Variants in USP24 observed in about 807,000 individuals in gnomAD.
The protein encoded by USP24 is ubiquitin specific peptidase 24.
A neutral mutation model predicts 361.6 loss-of-function variants in USP24; 97 were observed. That is an observed-to-expected ratio of 0.27 (90% CI 0.23 to 0.32). The LOEUF is 0.32. Ranked by LOEUF, USP24 falls within the 10% of genes least tolerant of loss-of-function variation. The pLI, the probability that USP24 is intolerant of heterozygous loss-of-function variation, is 1.00. For synonymous variants in USP24, 1,098 were observed against 1,124.6 expected (o/e 0.98, Z 0.47); for missense variants, 2,353 against 3,165.6 (o/e 0.74, Z 6.16).
intron 16 of USP24, chr1:55,151,853 G>A: frequency 1.0e-6 from 1 of 962,860 alleles, no homozygotes; most frequent in Non-Finnish European, 1.2e-6. Flanking sequence ...GTAATCAGTT[G>A]GGGGAATAGA....
In USP24 at chr1:55,128,535, C is replaced by T. The variant is rs568972442; in HGVS notation, c.3635+942G>A. 3.7e-4 allele frequency among the ~76,000 whole-genome samples: 56 copies of T among 152,114 alleles called. 1 individual carries two copies. In the South Asian group the frequency reaches 0.011, roughly 29 times the overall value. On this transcript the variant is annotated intron_variant, in intron 32 of 67. Coordinates refer to ENST00000294383, the MANE Select transcript of USP24 (RefSeq NM_015306.3). The stretch of plus-strand genomic sequence containing the variant: ...CCATTCCAGCTTGGAGTGCCCCTTC[C>T]CTCCTTATTTACCTAGAGGATTTCT...
chr1:55,199,722 T>C (rs1644519202), intron 1 of USP24, among the ~76,000 whole-genome samples: 1 of 152,086 alleles, frequency 6.6e-6, no homozygotes, highest in Non-Finnish European at 1.5e-5. Context: ...GTTCACTGTA[T>C]TGTTCTTTTG....
intron 58 of USP24, among the ~76,000 whole-genome samples, chr1:55,082,428 T>G (rs961716324): frequency 1.3e-5 from 2 of 152,244 alleles, no homozygotes; most frequent in African/African-American, 4.8e-5. Flanking sequence ...ATTTCATGTA[T>G]TTTGAATCTA....
chr1:55,190,875 A>G (rs1022080879), intron 1 of USP24, among the ~76,000 whole-genome samples: 1 of 152,232 alleles, frequency 6.6e-6, no homozygotes, highest in Admixed American at 6.5e-5. Flanking sequence ...AAGATTACAG[A>G]TCAAATTATT....
At chr1:55,174,581 TG>T (rs1437015034) in intron 3 of USP24, among the ~76,000 whole-genome samples, 1 of 152,260 alleles carries the variant, frequency 6.6e-6, no homozygotes, top group Non-Finnish European at 1.5e-5. Context: ...AACAGTTTTC[TG>T]AAGTATCTCT....
At chr1:55,137,988 T>G in intron 26 of USP24, 84 bp from the exon 27 acceptor site, 1 of 1,320,702 alleles carries the variant, frequency 7.6e-7, no homozygotes, top group South Asian at 1.3e-5. Flanking sequence ...TACTAGGTAC[T>G]GGGCACTGTT....
At chr1:55,179,553 T>TC (rs1266139318) in intron 1 of USP24, among the ~76,000 whole-genome samples, 1 of 151,988 alleles carries the variant, frequency 6.6e-6, no homozygotes, top group Non-Finnish European at 1.5e-5. Flanking sequence ...TCATGATCCT[T>TC]CCCCCGTAAA....
At position 55,096,407 on chromosome 1, in the gene USP24, TG is replaced by T. The variant is rs1338520276; in HGVS notation, c.6061+90del. On this transcript the variant is annotated intron_variant, in intron 50 of 67. Transcript: ENST00000294383. ...GTAGTACAATAAAAATAACAAAATCTGTTGTGTTTTTATATAAAGAATACTA... is the reference window on the plus strand; with the variant it reads ...GTAGTACAATAAAAATAACAAAATCTTTGTGTTTTTATATAAAGAATACTA... 3 of 1,084,972 alleles carry T rather than the reference TG, an allele frequency of 2.8e-6. No homozygotes were observed. The East Asian group carries it at 9.0e-5, about 33-fold the overall frequency. The allele number at this position is 1,084,972 out of a possible 1,614,324, so 67.2% of individuals were successfully genotyped here.
At chr1:55,101,787 G>C in intron 42 of USP24, 84 bp from the exon 43 acceptor site, 1 of 1,426,082 alleles carries the variant, frequency 7.0e-7, no homozygotes, top group East Asian at 2.6e-5. Flanking sequence ...CTATGCGGGA[G>C]ATATATTCAC....
At chr1:55,211,481 G>C (rs879561945) in intron 1 of USP24, among the ~76,000 whole-genome samples, 1 of 152,198 alleles carries the variant, frequency 6.6e-6, no homozygotes, top group Non-Finnish European at 1.5e-5. Context: ...TGTGTGTTTT[G>C]CTAGATATCT....
chr1:55,166,584 A>G lies in USP24; in HGVS notation c.845T>C (p.Val282Ala). The part of the protein sequence containing the change: ...TFQKEPHGWV[V>A]DLVNKFGELG... ...GTCATATACCTTATTTACCAAATCC[A>G]CAACCCATCCATGAGGCTCCTATGA... Residue 282 changes from valine to alanine, a missense_variant, in exon 6 of 68, where the codon GTG becomes GCG. By Grantham distance (64) the Val-to-Ala change is moderately conservative (BLOSUM62 0). This residue lies in a region of USP24 where 386 missense variants were observed against 560.5 expected (regional missense o/e 0.69). Transcript: ENST00000294383. The G allele has an allele frequency of 6.3e-7, 1 of 1,594,852 alleles. No individual in the cohort carries two copies. Among genetic ancestry groups the G allele is most frequent in the South Asian group, 1.1e-5 (1 of 87,160 alleles).
chr1:55,175,562 T>C (rs1649899865), intron 3 of USP24, among the ~76,000 whole-genome samples: 1 of 152,106 alleles, frequency 6.6e-6, no homozygotes, highest in Admixed American at 6.5e-5. Context: ...ACATTACCCA[T>C]CTGTAGTTCT....
intron 35 of USP24, 118 bp from the exon 36 acceptor site, chr1:55,123,720 T>C: frequency 4.8e-6 from 5 of 1,046,870 alleles, no homozygotes; most frequent in Non-Finnish European, 6.4e-6. Flanking sequence ...AGAAAGCACT[T>C]AGGTCCAAGA....
intron 35 of USP24, 74 bp from the exon 36 acceptor site, chr1:55,123,676 G>A: frequency 7.1e-7 from 1 of 1,399,300 alleles, no homozygotes; most frequent in Non-Finnish European, 9.4e-7. Context: ...TTTACTATAT[G>A]TTCCAGAATC....
chr1:55,151,526 G>A (rs997735475), intron 16 of USP24, among the ~76,000 whole-genome samples: 2 of 152,192 alleles, frequency 1.3e-5, no homozygotes, highest in Non-Finnish European at 2.9e-5. Context: ...AGGCGCTATG[G>A]TAGGTGGCCT....
intron 3 of USP24, among the ~76,000 whole-genome samples, chr1:55,174,170 T>C (rs1001690037): frequency 3.9e-5 from 6 of 152,252 alleles, no homozygotes; most frequent in Non-Finnish European, 8.8e-5. Flanking sequence ...GTGCACCTTA[T>C]TTATGTAATC....
chr1:55,171,879 T>C (rs1649488397), intron 4 of USP24, among the ~76,000 whole-genome samples: 1 of 152,170 alleles, frequency 6.6e-6, no homozygotes, highest in Admixed American at 6.5e-5. Flanking sequence ...CAGTGTTCAC[T>C]GTGAAGGAAG....
chr1:55,157,959 T>C lies in USP24; in HGVS notation c.1228-589A>G, dbSNP rs1165234. Among the ~76,000 whole-genome samples the C allele has an allele frequency of 3.0e-4, 46 of 152,100 alleles. 1 individual carries two copies. Among genetic ancestry groups the C allele is most frequent in the African/African-American group, 1.1e-3 (44 of 41,456 alleles). Reference sequence around the variant, plus strand: ...TCAGGCACTCCCTCCAAATTTTATATGTGGAAAGTATACAGAAGTGTCAGG... The same window carrying C: ...TCAGGCACTCCCTCCAAATTTTATACGTGGAAAGTATACAGAAGTGTCAGG... On this transcript the variant is annotated intron_variant, in intron 10 of 67. Transcript: ENST00000294383.
intron 38 of USP24, among the ~76,000 whole-genome samples, chr1:55,111,374 T>C (rs1323729257): frequency 1.3e-5 from 2 of 152,112 alleles, no homozygotes; most frequent in African/African-American, 2.4e-5. Flanking sequence ...TCGTAAAACT[T>C]AGAGGAACTT....
Sources: allele counts gnomAD v4.1 joint callset (sites outside exome capture counted in the v4.1 genomes callset), GRCh38; gene constraint gnomAD v4.1.1; regional missense constraint gnomAD v4.1.1; transcripts MANE v1.5; gene names NCBI Gene and HGNC (gene_info 2026-07-23, HGNC 2026-07-21).